The following EPYC variants were observed in gnomAD, a reference collection of about 807,000 sequenced individuals.
EPYC encodes the protein epiphycan.
In EPYC, 28 loss-of-function variants were observed where a neutral mutation model predicts 30.1. The ratio of observed to expected loss-of-function variants is 0.93; its 90% CI spans 0.69 to 1.28. The LOEUF is 1.28. Ranked by LOEUF, EPYC falls within the 50% of genes most tolerant of loss-of-function variation. EPYC has a pLI of 0.00. For missense variants in EPYC, 382 were observed against 383.5 expected (o/e 1.00, Z 0.03); for synonymous variants, 144 against 141.4 (o/e 1.02, Z -0.13).
intron 2 of EPYC, among the ~76,000 whole-genome samples, chr12:91,001,728 A>C (rs1402539511): frequency 1.3e-5 from 2 of 152,028 alleles, no homozygotes; most frequent in African/African-American, 4.8e-5. Context: ...TCAATCTCAC[A>C]TCTTTCTCCT....
intron 2 of EPYC, among the ~76,000 whole-genome samples, chr12:90,987,764 G>A (rs939183945): frequency 6.6e-6 from 1 of 152,128 alleles, no homozygotes; most frequent in African/African-American, 2.4e-5. Context: ...ACTCTGAGAA[G>A]CACTATCTAT....
At chr12:90,965,170 G>T (rs1481251170) in intron 6 of EPYC, among the ~76,000 whole-genome samples, 2 of 152,138 alleles carry the variant, frequency 1.3e-5, no homozygotes, top group Non-Finnish European at 2.9e-5. Context: ...CATACATGTT[G>T]TAGGATGTAT....
chr12:90,973,296 TAA>T (rs1236157430), intron 3 of EPYC, among the ~76,000 whole-genome samples: 4 of 152,150 alleles, frequency 2.6e-5, no homozygotes, highest in African/African-American at 7.2e-5. Context: ...ATATTTTCAT[TAA>T]GTCTTTGGTT....
intron 2 of EPYC, among the ~76,000 whole-genome samples, chr12:90,992,381 A>T (rs1877605332): frequency 6.6e-6 from 1 of 152,284 alleles, no homozygotes; most frequent in East Asian, 1.9e-4. Context: ...AGCATGGGGA[A>T]TAGAGAAAAC....
At chr12:90,990,105 A>G (rs1877547258) in intron 2 of EPYC, among the ~76,000 whole-genome samples, 1 of 152,068 alleles carries the variant, frequency 6.6e-6, no homozygotes, top group Non-Finnish European at 1.5e-5. Flanking sequence ...AATTGAAAAC[A>G]AAGAAGTTGG....
chr12:90,970,791 T>A (rs1196594416), intron 5 of EPYC, among the ~76,000 whole-genome samples: 1 of 152,152 alleles, frequency 6.6e-6, no homozygotes, highest in Non-Finnish European at 1.5e-5. Flanking sequence ...GACAGGGCAT[T>A]TGCCACCACC....
rs1359035212 is a variant in EPYC, at chr12:90,970,985, T to C, written c.702+815A>G. Among the ~76,000 whole-genome samples, 8 of 152,240 alleles carry C rather than the reference T, an allele frequency of 5.3e-5. No individual in the cohort carries two copies. In the East Asian group the frequency reaches 1.5e-3, roughly 29 times the overall value. ...ACCCTATGCTGTTTTTCAAAGCAAGTCCTCTAGCCCCAAACCTGCTTGCTT... is the reference window on the plus strand; with the variant it reads ...ACCCTATGCTGTTTTTCAAAGCAAGCCCTCTAGCCCCAAACCTGCTTGCTT... On this transcript the variant is annotated intron_variant, in intron 5 of 6. Transcript: ENST00000261172.
chr12:90,980,239 C>T (rs1348682150), intron 2 of EPYC, among the ~76,000 whole-genome samples: 1 of 152,158 alleles, frequency 6.6e-6, no homozygotes, highest in Non-Finnish European at 1.5e-5. Flanking sequence ...TTTGCACATA[C>T]TTTTTACAGA....
chr12:90,978,036 T>C lies in EPYC; in HGVS notation c.340+52A>G, dbSNP rs369767224. 3 of 1,474,762 alleles carry C rather than the reference T, an allele frequency of 2.0e-6. No homozygotes were observed. The African/African-American group carries it at 4.4e-5, about 22-fold the overall frequency. The allele number at this position is 1,474,762 out of a possible 1,614,324, so 91.4% of individuals were successfully genotyped here. On this transcript the variant is annotated intron_variant, in intron 3 of 6. Transcript: ENST00000261172. ...CCCTGTAGAGTTGAAGCTGTGCAGT[T>C]TTGAGGATGACAAAGTGGACTCAAT...
chr12:90,975,913 T>C (rs934385580), intron 3 of EPYC, among the ~76,000 whole-genome samples: 4 of 152,132 alleles, frequency 2.6e-5, no homozygotes, highest in African/African-American at 9.7e-5. Flanking sequence ...GATTTATTGG[T>C]CTATGTTGCA....
At chr12:90,997,097 A>T (rs1483907113) in intron 2 of EPYC, among the ~76,000 whole-genome samples, 1 of 151,994 alleles carries the variant, frequency 6.6e-6, no homozygotes, top group Non-Finnish European at 1.5e-5. Flanking sequence ...CCATTCTGAC[A>T]CTGAGACCTG....
chr12:90,984,454 C>T (rs1285900927), intron 2 of EPYC, among the ~76,000 whole-genome samples: 1 of 152,086 alleles, frequency 6.6e-6, no homozygotes, highest in African/African-American at 2.4e-5. Flanking sequence ...CCCACAAACT[C>T]TGAAAAAGAT....
chr12:90,969,017 A>AGT (rs1162068001), intron 6 of EPYC, among the ~76,000 whole-genome samples: 2 of 150,964 alleles, frequency 1.3e-5, no homozygotes, highest in African/African-American at 4.9e-5. Context: ...ATATATATAT[A>AGT]GTGTGTGTAT....
chr12:90,984,221 T>A (rs1877394175), intron 2 of EPYC, among the ~76,000 whole-genome samples: 1 of 152,168 alleles, frequency 6.6e-6, no homozygotes. Context: ...CCTTCCTTGG[T>A]CCTCTTTGTG....
intron 2 of EPYC, among the ~76,000 whole-genome samples, chr12:90,998,617 A>G (rs542760356): frequency 6.6e-6 from 1 of 152,284 alleles, no homozygotes; most frequent in East Asian, 1.9e-4. Context: ...TTGACCACCT[A>G]AATCCCTAGA....
At chr12:90,967,562 TGTATTTTGAAATTGTTGG>T (rs1876929352) in intron 6 of EPYC, among the ~76,000 whole-genome samples, 1 of 152,192 alleles carries the variant, frequency 6.6e-6, no homozygotes, top group South Asian at 2.1e-4. Flanking sequence ...GAGAAAAATG[TGTATTTTGAAATTGTTGG>T]GTGGAATGTT....
At chr12:90,977,293 A>G (rs148532648) in intron 3 of EPYC, among the ~76,000 whole-genome samples, 1 of 152,282 alleles carries the variant, frequency 6.6e-6, no homozygotes, top group African/African-American at 2.4e-5. Flanking sequence ...CAAGGTTGAC[A>G]GTGACACATT....
intron 2 of EPYC, among the ~76,000 whole-genome samples, chr12:90,980,390 CT>C (rs1246806054): frequency 6.6e-6 from 1 of 152,096 alleles, no homozygotes; most frequent in Non-Finnish European, 1.5e-5. Flanking sequence ...TGCAATACAA[CT>C]TTGAAAACCA....
intron 6 of EPYC, among the ~76,000 whole-genome samples, chr12:90,966,234 G>A (rs1004181658): frequency 1.3e-5 from 2 of 151,976 alleles, no homozygotes; most frequent in Non-Finnish European, 2.9e-5. Context: ...GAAAGAAAGT[G>A]TTCAGTCTTT....
Sources: allele counts gnomAD v4.1 joint callset (sites outside exome capture counted in the v4.1 genomes callset), GRCh38; gene constraint gnomAD v4.1.1; transcripts MANE v1.5; gene names NCBI Gene and HGNC (gene_info 2026-07-23, HGNC 2026-07-21).